The following GABBR2 variants were observed in gnomAD, a reference collection of about 807,000 sequenced individuals.
GABBR2 encodes the protein G-protein coupled receptor 51.
GABBR2 carries 23 observed loss-of-function variants against 105.6 expected under a neutral mutation model. The ratio of observed to expected loss-of-function variants is 0.22; its 90% confidence interval spans 0.16 to 0.31. The LOEUF is 0.31. Ranked by LOEUF, GABBR2 falls within the 10% of genes least tolerant of loss-of-function variation. The pLI, the probability that GABBR2 is intolerant of heterozygous loss-of-function variation, is 1.00. For synonymous variants in GABBR2, 478 were observed against 499.7 expected, an observed-to-expected ratio of 0.96 and a Z score of 0.58; for missense variants, 734 against 1,245.5, an observed-to-expected ratio of 0.59 and a Z score of 6.18.
At chr9:98,404,590 T>C (rs1358834109) in intron 8 of GABBR2, among the ~76,000 whole-genome samples, 1 of 152,148 alleles carries the variant, frequency 6.6e-6, no homozygotes, top group Non-Finnish European at 1.5e-5. Context: ...GAACACTGTA[T>C]TGATGAGAGG....
At chr9:98,639,521 C>T (rs899516511) in intron 1 of GABBR2, among the ~76,000 whole-genome samples, 3 of 151,406 alleles carry the variant, frequency 2.0e-5, no homozygotes, top group Admixed American at 1.3e-4. Flanking sequence ...ACTTTTCTTA[C>T]AAATACAACT....
rs556519524 is a variant in GABBR2 at position 98,387,832 on chromosome 9, A to T, written c.1529+1022T>A. Among the ~76,000 whole-genome samples the T allele has an allele frequency of 7.9e-5, 12 of 152,198 alleles. No individual in the cohort carries two copies. In the South Asian group the frequency reaches 2.1e-3, roughly 26 times the overall value. ...ATTAATTAAAAAACCAAGCACACAC[A>T]CAAAAGTCTAGAGCCTCCAAATTCC... On this transcript the variant is annotated intron_variant, in intron 10 of 18. Transcript: ENST00000259455.
At chr9:98,335,630 G>T (rs1412674999) in intron 13 of GABBR2, among the ~76,000 whole-genome samples, 1 of 152,130 alleles carries the variant, frequency 6.6e-6, no homozygotes, top group African/African-American at 2.4e-5. Flanking sequence ...TAGCAGGATT[G>T]AGAACCACGA....
chr9:98,386,255 A>G (rs1832070823), intron 10 of GABBR2, among the ~76,000 whole-genome samples: 1 of 150,516 alleles, frequency 6.6e-6, no homozygotes. Context: ...CTCATGTCAA[A>G]TCTAGAGAAT....
intron 7 of GABBR2, among the ~76,000 whole-genome samples, chr9:98,437,867 G>T (rs778352409): frequency 1.5e-5 from 2 of 137,606 alleles, no homozygotes; most frequent in Non-Finnish European, 3.1e-5. Context: ...CCATCCATCC[G>T]TCCATCTATC....
At chr9:98,538,581 A>C in intron 3 of GABBR2, 3 of 983,420 alleles carry the variant, frequency 3.1e-6, no homozygotes, top group Non-Finnish European at 3.6e-6. Flanking sequence ...TCACAGGAGC[A>C]GCTGGTCCCC....
intron 6 of GABBR2, among the ~76,000 whole-genome samples, chr9:98,467,307 G>T (rs775874798): frequency 6.6e-6 from 1 of 152,210 alleles, no homozygotes; most frequent in Non-Finnish European, 1.5e-5. Flanking sequence ...GTTGGGAAGT[G>T]TTGGGGCCAT....
chr9:98,706,638 A>G (rs1830898917), intron 1 of GABBR2, among the ~76,000 whole-genome samples: 1 of 152,234 alleles, frequency 6.6e-6, no homozygotes, highest in Non-Finnish European at 1.5e-5. Flanking sequence ...ACAGGCCAGT[A>G]TGAAATCTCT....
At chr9:98,571,311 C>T (rs770957526) in intron 2 of GABBR2, among the ~76,000 whole-genome samples, 1 of 152,206 alleles carries the variant, frequency 6.6e-6, no homozygotes, top group Admixed American at 6.5e-5. Flanking sequence ...TTCATCCTAG[C>T]GGCACTGGGA....
intron 5 of GABBR2, among the ~76,000 whole-genome samples, chr9:98,474,798 A>G (rs753191772): frequency 1.3e-5 from 2 of 152,176 alleles, no homozygotes; most frequent in African/African-American, 2.4e-5. Flanking sequence ...AGAGCTCCCA[A>G]CAACTCCTAT....
Position 98,541,904 on chromosome 9 carries a change from G to A in GABBR2, c.599C>T (p.Thr200Met), listed in dbSNP as rs146370047. The A allele has an allele frequency of 2.8e-5, 46 of 1,614,212 alleles. No individual in the cohort carries two copies. The highest frequency in any genetic ancestry group is 2.0e-4 in the East Asian group (9 of 44,886). ...GAACCTCTGAACGTCTTGCGTCAGC[G>A]TGCCCACGCGCTTCCACTGGTAGTG... ...LKHYQWKRVG[T>M]LTQDVQRFSE... is the part of the protein sequence containing the mutation. Residue 200 changes from threonine (T) to methionine (M), a missense_variant, in exon 3 of 19, where the codon ACG becomes ATG. Physicochemically the swap from Thr to Met is moderately conservative, Grantham distance 81. This residue lies in a region of GABBR2 where 370 missense variants were observed against 648.9 expected (regional missense o/e 0.57). Transcript: ENST00000259455.
At chr9:98,633,625 TCAA>T (rs1829841730) in intron 1 of GABBR2, among the ~76,000 whole-genome samples, 1 of 25,456 alleles carries the variant, frequency 3.9e-5, no homozygotes, top group Non-Finnish European at 8.2e-5. Context: ...AGACTCCATC[TCAA>T]AAAAAAAAAA....
intron 1 of GABBR2, among the ~76,000 whole-genome samples, chr9:98,687,296 T>C (rs2131875504): frequency 6.6e-6 from 1 of 151,854 alleles, no homozygotes. Context: ...TAAGGGGGAA[T>C]TCTGGCTGAA....
chr9:98,603,725 A>T (rs1207729327), intron 1 of GABBR2, among the ~76,000 whole-genome samples: 1 of 152,204 alleles, frequency 6.6e-6, no homozygotes, highest in Non-Finnish European at 1.5e-5. Flanking sequence ...AAACGGTTCA[A>T]GATAAGAAAC....
chr9:98,402,502 C>T (rs1832411815), intron 8 of GABBR2, among the ~76,000 whole-genome samples: 1 of 152,146 alleles, frequency 6.6e-6, no homozygotes, highest in Non-Finnish European at 1.5e-5. Context: ...CCAAGGGTGG[C>T]TCCCTAAGAA....
At chr9:98,319,115 C>CA (rs1216299034) in intron 13 of GABBR2, among the ~76,000 whole-genome samples, 2 of 152,130 alleles carry the variant, frequency 1.3e-5, no homozygotes, top group African/African-American at 2.4e-5. Context: ...CACCTCTTGC[C>CA]AGCTGTGTGA....
At chr9:98,585,052 G>C (rs1829049367) in intron 1 of GABBR2, among the ~76,000 whole-genome samples, 1 of 152,034 alleles carries the variant, frequency 6.6e-6, no homozygotes, top group Non-Finnish European at 1.5e-5. Context: ...CCCCATACAG[G>C]ATAGTTTTAC....
intron 3 of GABBR2, among the ~76,000 whole-genome samples, chr9:98,533,731 A>T (rs527338661): frequency 6.6e-6 from 1 of 152,298 alleles, no homozygotes; most frequent in Admixed American, 6.5e-5. Context: ...AGGAGGAAGA[A>T]CACAGAGACG....
Position 98,619,022 on chromosome 9 carries a change from AAAGTG to A in GABBR2, c.322-40955_322-40951del, listed in dbSNP as rs377041464. ...CAATAAGAACATAAGTTGGTGGGGA[AAAGTG>A]AAGTGAAGTGTTCTAAGATCTTTAT... On this transcript the variant is annotated intron_variant, in intron 1 of 18. Transcript: ENST00000259455. 1.2e-3 allele frequency among the ~76,000 whole-genome samples: 180 copies of A among 152,342 alleles called. 1 individual carries two copies. In the East Asian group the frequency reaches 0.016, roughly 14 times the overall value.
Sources: allele counts gnomAD v4.1 joint callset (sites outside exome capture counted in the v4.1 genomes callset), GRCh38; gene constraint gnomAD v4.1.1; regional missense constraint gnomAD v4.1.1; transcripts MANE v1.5; gene names NCBI Gene and HGNC (gene_info 2026-07-23, HGNC 2026-07-21).